HNRNPF: variants seen among roughly 807,000 people sequenced by gnomAD.
HNRNPF encodes heterogeneous nuclear ribonucleoprotein F, also known as HnRNP F protein.
Under a neutral mutation model 26.0 loss-of-function variants are expected in HNRNPF, and 2 were observed. The observed-to-expected ratio is 0.08, with a 90% CI of 0.03 to 0.24. HNRNPF has a LOEUF of 0.24. Among genes scored for constraint, HNRNPF ranks in the 10% least tolerant of loss-of-function variants. The pLI, the probability that HNRNPF is intolerant of heterozygous loss-of-function variation, is 1.00. For synonymous variants in HNRNPF, 234 were observed against 211.5 expected (o/e 1.11, Z -0.92); for missense variants, 299 against 539.2 (o/e 0.55, Z 4.41).
At chr10:43,396,285 A>C (rs775557449) in intron 2 of HNRNPF, among the ~76,000 whole-genome samples, 171 bp downstream of exon 2, 5 of 152,172 alleles carry the variant, frequency 3.3e-5, no homozygotes, top group Non-Finnish European at 5.9e-5. Flanking sequence ...TCGAGGAAGG[A>C]TCCTGGCCTC....
At chr10:43,390,930 G>A (rs1838219428) in intron 3 of HNRNPF, among the ~76,000 whole-genome samples, 1 of 152,052 alleles carries the variant, frequency 6.6e-6, no homozygotes. Context: ...TCCACCTCCA[G>A]TTCTGACAAC....
chr10:43,391,597 C>T (rs1426152549), intron 3 of HNRNPF, among the ~76,000 whole-genome samples: 2 of 152,166 alleles, frequency 1.3e-5, no homozygotes, highest in African/African-American at 4.8e-5. Context: ...GGCAGCCTTA[C>T]AGACTCTCAC....
chr10:43,396,633 G>A (rs776938192), intron 1 of HNRNPF, 43 bp from the exon 2 acceptor site: 6 of 152,236 alleles, frequency 3.9e-5, no homozygotes, highest in Non-Finnish European at 8.8e-5. Context: ...CTTCCGCAAG[G>A]TGGGAGGCCC....
chr10:43,401,305 C>G (rs530818266), intron 1 of HNRNPF, among the ~76,000 whole-genome samples: 2 of 152,278 alleles, frequency 1.3e-5, no homozygotes, highest in South Asian at 4.1e-4. Flanking sequence ...TTCTCAAAAG[C>G]TGTGTTACTA....
In HNRNPF at chr10:43,387,940, G is replaced by GAAAA; in HGVS notation, c.-52-8_-52-5dup. The GAAAA allele has an allele frequency of 1.8e-6, 2 of 1,135,886 alleles. No individual in the cohort carries two copies. Among genetic ancestry groups the GAAAA allele is most frequent in the Non-Finnish European group, 2.4e-6 (2 of 831,952 alleles). 70.4% of individuals were successfully genotyped at this position (1,135,886 alleles called of 1,614,324 possible). ...CTTGGGTGTGGCTTTTTTGTGGCTG[G>GAAAA]AAAAAAAAAAAAGAAAAATTTATTT... On this transcript the variant is annotated splice_polypyrimidine_tract_variant and splice_region_variant and intron_variant, in intron 3 of 3. Coordinates refer to ENST00000682386, the MANE Select transcript of HNRNPF (RefSeq NM_001098204.2). This position sits in a 1 kb window ranked among gnomAD's most constrained non-coding sequence, Gnocchi z 6.0.
chr10:43,404,957 C>A (rs570901336), intron 1 of HNRNPF, among the ~76,000 whole-genome samples: 5 of 152,266 alleles, frequency 3.3e-5, no homozygotes, highest in African/African-American at 9.6e-5. Flanking sequence ...GGAAGGAATG[C>A]TGCAAGACAG....
At chr10:43,398,427 C>T (rs1838642175) in intron 1 of HNRNPF, among the ~76,000 whole-genome samples, 1 of 150,542 alleles carries the variant, frequency 6.6e-6, no homozygotes, top group Non-Finnish European at 1.5e-5. Context: ...CTGCAACCTC[C>T]CCTCCCAGGT....
At chr10:43,406,861 GA>G (rs756567880) in intron 1 of HNRNPF, among the ~76,000 whole-genome samples, 1 of 152,072 alleles carries the variant, frequency 6.6e-6, no homozygotes, top group African/African-American at 2.4e-5. Flanking sequence ...ACCTACAAGG[GA>G]AAAGATCTTC....
At chr10:43,408,530 C>A (rs1481555466) in intron 1 of HNRNPF, among the ~76,000 whole-genome samples, 1 of 152,182 alleles carries the variant, frequency 6.6e-6, no homozygotes, top group East Asian at 1.9e-4. Flanking sequence ...CTTCCCTGAT[C>A]CCAAATCCCA....
At chr10:43,404,557 T>A (rs1838853190) in intron 1 of HNRNPF, among the ~76,000 whole-genome samples, 1 of 152,170 alleles carries the variant, frequency 6.6e-6, no homozygotes, top group Admixed American at 6.5e-5. Flanking sequence ...AACTCTCATC[T>A]GAATCAAAAC....
chr10:43,400,693 C>T (rs1321465946), intron 1 of HNRNPF, among the ~76,000 whole-genome samples: 2 of 152,180 alleles, frequency 1.3e-5, no homozygotes, highest in South Asian at 2.1e-4. Context: ...CACCAACGCA[C>T]ACATTTGTAC....
chr10:43,406,654 T>C (rs546034734), intron 1 of HNRNPF, among the ~76,000 whole-genome samples: 1 of 152,166 alleles, frequency 6.6e-6, no homozygotes, highest in Non-Finnish European at 1.5e-5. Context: ...ATCACACCAT[T>C]GCACTCCAGC....
intron 1 of HNRNPF, chr10:43,407,812 G>C (rs866188870): frequency 2.6e-5 from 4 of 152,360 alleles, no homozygotes; most frequent in South Asian, 2.1e-4. Flanking sequence ...CTAAGGCTAC[G>C]GGAACCGGGC....
chr10:43,392,739 G>C (rs1034453380), intron 3 of HNRNPF, among the ~76,000 whole-genome samples: 5 of 152,076 alleles, frequency 3.3e-5, no homozygotes, highest in African/African-American at 1.2e-4. Flanking sequence ...TAACTGTAGG[G>C]AATCAGGCTT....
intron 3 of HNRNPF, among the ~76,000 whole-genome samples, chr10:43,392,699 TAGAC>T (rs1838301459): frequency 1.3e-5 from 2 of 152,224 alleles, no homozygotes; most frequent in Non-Finnish European, 2.9e-5. Context: ...GTTAATTCCT[TAGAC>T]AGTCTCTGAG....
At chr10:43,403,694 A>G (rs1838822734) in intron 1 of HNRNPF, among the ~76,000 whole-genome samples, 1 of 152,182 alleles carries the variant, frequency 6.6e-6, no homozygotes, top group African/African-American at 2.4e-5. Context: ...TGCTAAGCTG[A>G]ATTTATGTCA....
intron 1 of HNRNPF, among the ~76,000 whole-genome samples, chr10:43,401,194 G>C (rs967112639): frequency 6.6e-6 from 1 of 152,186 alleles, no homozygotes; most frequent in African/African-American, 2.4e-5. Context: ...TGATCTGCAT[G>C]CAACAGGAAA....
At chr10:43,392,587 G>A (rs143551962) in intron 3 of HNRNPF, among the ~76,000 whole-genome samples, 1 of 152,264 alleles carries the variant, frequency 6.6e-6, no homozygotes, top group Non-Finnish European at 1.5e-5. Flanking sequence ...GATCTCCATG[G>A]CAAGAAAAAG....
chr10:43,396,768 G>C (rs1027792195), intron 1 of HNRNPF, 178 bp from the exon 2 acceptor site: 1 of 152,084 alleles, frequency 6.6e-6, no homozygotes, highest in Non-Finnish European at 1.5e-5. Flanking sequence ...CGGCAGGAAG[G>C]TCGGCCCCAG....
Sources: allele counts gnomAD v4.1 joint callset (sites outside exome capture counted in the v4.1 genomes callset), GRCh38; gene constraint gnomAD v4.1.1; non-coding constraint Gnocchi (gnomAD v3.1); transcripts MANE v1.5; gene names NCBI Gene and HGNC (gene_info 2026-07-23, HGNC 2026-07-21).